The following CHRM3 variants were observed in gnomAD, a reference collection of about 807,000 sequenced individuals.
CHRM3 encodes the protein muscarinic acetylcholine receptor M3.
A neutral mutation model predicts 41.8 loss-of-function variants in CHRM3; 11 were observed. That is an observed-to-expected ratio of 0.26 (90% CI 0.17 to 0.44). The LOEUF is 0.44. Among genes scored for constraint, CHRM3 ranks in the 20% least tolerant of loss-of-function variants. The pLI, the probability that CHRM3 is intolerant of heterozygous loss-of-function variation, is 1.00. For synonymous variants in CHRM3, 297 were observed against 301.4 expected (o/e 0.99, Z 0.15); for missense variants, 571 against 745.4 (o/e 0.77, Z 2.72).
At chr1:239,668,164 T>C (rs1044547712) in intron 4 of CHRM3, among the ~76,000 whole-genome samples, 13 of 146,334 alleles carry the variant, frequency 8.9e-5, no homozygotes, top group African/African-American at 3.0e-4. Context: ...AGTGGCGTGA[T>C]CTTGGCTGAC....
At chr1:239,745,226 A>G (rs1244167898) in intron 5 of CHRM3, among the ~76,000 whole-genome samples, 1 of 152,230 alleles carries the variant, frequency 6.6e-6, no homozygotes, top group Non-Finnish European at 1.5e-5. Flanking sequence ...TGCATCATTT[A>G]GAAAAATAAC....
chr1:239,651,441 A>T (rs76470435), intron 4 of CHRM3, among the ~76,000 whole-genome samples: 3,210 of 152,350 alleles, frequency 0.021, 55 homozygotes, highest in Non-Finnish European at 0.031. Context: ...CAAGGAAGGC[A>T]TGATTTAAAG....
intron 5 of CHRM3, among the ~76,000 whole-genome samples, chr1:239,791,225 C>T (rs1442778225): frequency 1.3e-5 from 2 of 152,146 alleles, no homozygotes; most frequent in African/African-American, 4.8e-5. Context: ...CTGCCTCAGG[C>T]ACCTGAGTAG....
At chr1:239,643,070 C>T (rs1671365844) in intron 4 of CHRM3, among the ~76,000 whole-genome samples, 1 of 152,158 alleles carries the variant, frequency 6.6e-6, no homozygotes, top group African/African-American at 2.4e-5. Context: ...GCAGTGTCTG[C>T]AGAACAGTGG....
At chr1:239,737,305 G>T (rs144951925) in intron 5 of CHRM3, among the ~76,000 whole-genome samples, 1 of 152,174 alleles carries the variant, frequency 6.6e-6, no homozygotes, top group Non-Finnish European at 1.5e-5. Context: ...GCAATGATCT[G>T]TTTTGACAAA....
intron 5 of CHRM3, among the ~76,000 whole-genome samples, chr1:239,753,568 A>G (rs1008601040): frequency 2.6e-5 from 4 of 152,182 alleles, no homozygotes; most frequent in East Asian, 3.9e-4. Context: ...AGGAAGGGAG[A>G]AATCCACCCC....
At chr1:239,464,851 T>A (rs1330941446) in intron 1 of CHRM3, among the ~76,000 whole-genome samples, 1 of 152,146 alleles carries the variant, frequency 6.6e-6, no homozygotes, top group Non-Finnish European at 1.5e-5. Context: ...ACTGTCATGA[T>A]TCCTGTCTCT....
chr1:239,513,813 A>C (rs2148215115), intron 2 of CHRM3, among the ~76,000 whole-genome samples: 1 of 152,244 alleles, frequency 6.6e-6, no homozygotes, highest in Middle Eastern at 3.4e-3. Flanking sequence ...TAAATGTTTT[A>C]AGATCTGTGT....
intron 3 of CHRM3, among the ~76,000 whole-genome samples, chr1:239,615,349 C>T (rs1667519259): frequency 6.6e-6 from 1 of 152,088 alleles, no homozygotes; most frequent in African/African-American, 2.4e-5. Context: ...TCCATGTAAT[C>T]AGCTAGAAAT....
intron 6 of CHRM3, among the ~76,000 whole-genome samples, chr1:239,899,001 T>C (rs1407603495): frequency 2.0e-5 from 3 of 152,214 alleles, no homozygotes; most frequent in East Asian, 1.9e-4. Flanking sequence ...TTCACATTTT[T>C]TGTTTCACCC....
At chr1:239,480,740 A>G (rs1666795044) in intron 1 of CHRM3, among the ~76,000 whole-genome samples, 1 of 151,700 alleles carries the variant, frequency 6.6e-6, no homozygotes, top group South Asian at 2.1e-4. Context: ...GTACTTTTTT[A>G]GTAGAGACAG....
intron 4 of CHRM3, among the ~76,000 whole-genome samples, chr1:239,636,547 G>A (rs1670487882): frequency 6.6e-6 from 1 of 152,132 alleles, no homozygotes; most frequent in Non-Finnish European, 1.5e-5. Context: ...CAATTCTGGG[G>A]CTTTATCTTT....
At chr1:239,691,795 G>A (rs1659745991) in intron 5 of CHRM3, among the ~76,000 whole-genome samples, 1 of 152,040 alleles carries the variant, frequency 6.6e-6, no homozygotes, top group Non-Finnish European at 1.5e-5. Context: ...TCCATATTTT[G>A]ATGTGAAATA....
At chr1:239,869,693 A>C (rs1243947049) in intron 6 of CHRM3, among the ~76,000 whole-genome samples, 16 of 152,140 alleles carry the variant, frequency 1.1e-4, no homozygotes, top group Non-Finnish European at 4.4e-5. Flanking sequence ...TTATTACTGT[A>C]TTAATTGCCC....
chr1:239,710,624 A>T (rs1661674524), intron 5 of CHRM3, among the ~76,000 whole-genome samples: 1 of 152,126 alleles, frequency 6.6e-6, no homozygotes, highest in Non-Finnish European at 1.5e-5. Flanking sequence ...ACTGACTATT[A>T]TTTAGTCATT....
At chr1:239,416,296 C>T (rs753163695) in intron 1 of CHRM3, among the ~76,000 whole-genome samples, 4 of 151,666 alleles carry the variant, frequency 2.6e-5, no homozygotes, top group African/African-American at 7.3e-5. Context: ...GAACTAACCA[C>T]GGGCATATGC....
intron 3 of CHRM3, among the ~76,000 whole-genome samples, chr1:239,559,424 A>G (rs1358647605): frequency 6.6e-6 from 1 of 152,208 alleles, no homozygotes; most frequent in Non-Finnish European, 1.5e-5. Flanking sequence ...GACCATATAA[A>G]ACACATTTTC....
intron 6 of CHRM3, among the ~76,000 whole-genome samples, chr1:239,850,636 G>C (rs1002039310): frequency 3.9e-5 from 6 of 152,106 alleles, no homozygotes; most frequent in Non-Finnish European, 7.3e-5. Flanking sequence ...TAATCCCCAC[G>C]TGTTTCGGGA....
chr1:239,745,536 C>T (rs1470215376), intron 5 of CHRM3, among the ~76,000 whole-genome samples: 5 of 151,938 alleles, frequency 3.3e-5, no homozygotes, highest in Admixed American at 2.6e-4. Context: ...GGTACATGTG[C>T]AGAGCGTGCA....
Sources: allele counts gnomAD v4.1 joint callset (sites outside exome capture counted in the v4.1 genomes callset), GRCh38; gene constraint gnomAD v4.1.1; transcripts MANE v1.5; gene names NCBI Gene and HGNC (gene_info 2026-07-23, HGNC 2026-07-21).